The following SLCO3A1 variants were observed in gnomAD, a reference collection of about 807,000 sequenced individuals.
SLCO3A1 encodes solute carrier organic anion transporter family member 3A1.
SLCO3A1 carries 27 observed loss-of-function variants against 63.1 expected under a neutral mutation model. The ratio of observed to expected loss-of-function variants is 0.43; its 90% CI spans 0.32 to 0.59. The LOEUF (loss-of-function observed/expected upper bound fraction) is 0.59. Among genes scored for constraint, SLCO3A1 ranks in the 20% least tolerant of loss-of-function variants. The pLI, the probability that SLCO3A1 is intolerant of heterozygous loss-of-function variation, is 0.09. For missense variants in SLCO3A1, 773 were observed against 945.8 expected (o/e 0.82, Z 2.40); for synonymous variants, 473 against 409.9 (o/e 1.15, Z -1.86).
chr15:92,126,353 G>A, intron 6 of SLCO3A1, 94 bp downstream of exon 6: 4 of 1,021,240 alleles, frequency 3.9e-6, no homozygotes, highest in Non-Finnish European at 6.1e-6. Context: ...TTTGTTCCTA[G>A]TGACCTGAGG....
intron 2 of SLCO3A1, among the ~76,000 whole-genome samples, chr15:91,974,144 C>G (rs1179648757): frequency 2.0e-5 from 3 of 152,020 alleles, no homozygotes; most frequent in African/African-American, 7.3e-5. Flanking sequence ...GGACATCACT[C>G]AAGGCTCAAG....
chr15:92,129,970 G>A (rs375508766), intron 7 of SLCO3A1, among the ~76,000 whole-genome samples: 1 of 152,134 alleles, frequency 6.6e-6, no homozygotes, highest in Non-Finnish European at 1.5e-5. Flanking sequence ...GATGGGCCTT[G>A]AGAATGGTTC....
chr15:91,978,814 A>G (rs1263422755), intron 2 of SLCO3A1, among the ~76,000 whole-genome samples: 1 of 152,248 alleles, frequency 6.6e-6, no homozygotes, highest in Non-Finnish European at 1.5e-5. Context: ...ACGTATCAGT[A>G]TCATCTAGTT....
At chr15:91,957,465 C>T (rs1437287371) in intron 2 of SLCO3A1, among the ~76,000 whole-genome samples, 2 of 151,918 alleles carry the variant, frequency 1.3e-5, no homozygotes, top group African/African-American at 2.4e-5. Context: ...CTGCCTTCCC[C>T]ACCTTCTTTC....
intron 2 of SLCO3A1, among the ~76,000 whole-genome samples, chr15:91,939,417 G>C (rs1899536716): frequency 6.6e-6 from 1 of 152,114 alleles, no homozygotes; most frequent in Non-Finnish European, 1.5e-5. Context: ...ATTTGGGTGG[G>C]GACACAGATC....
At chr15:92,005,188 C>T (rs2046299221) in intron 2 of SLCO3A1, among the ~76,000 whole-genome samples, 2 of 152,172 alleles carry the variant, frequency 1.3e-5, no homozygotes, top group Non-Finnish European at 2.9e-5. Context: ...CCCAGGAACT[C>T]ATTTGGGGAA....
At chr15:92,131,310 T>A (rs1049961981) in intron 7 of SLCO3A1, among the ~76,000 whole-genome samples, 6 of 151,866 alleles carry the variant, frequency 4.0e-5, no homozygotes, top group Non-Finnish European at 7.3e-5. Context: ...ATTTGGCCTT[T>A]ACCATCTGGC....
intron 2 of SLCO3A1, among the ~76,000 whole-genome samples, chr15:92,044,119 GC>G (rs1321679660): frequency 6.6e-6 from 1 of 152,094 alleles, no homozygotes; most frequent in African/African-American, 2.4e-5. Flanking sequence ...TCTAGAGTCA[GC>G]CCCACCAGTG....
chr15:92,056,667 T>C (rs1004608813), intron 2 of SLCO3A1, among the ~76,000 whole-genome samples: 4 of 152,238 alleles, frequency 2.6e-5, no homozygotes, highest in African/African-American at 9.6e-5. Context: ...ATTGTTCTAA[T>C]ATCCAGTTGA....
At position 91,964,944 on chromosome 15, in the gene SLCO3A1, G is replaced by A. The variant is rs548247744; in HGVS notation, c.646+48486G>A. Reference sequence around the variant, plus strand: ...ACTTTGTCTTTCCACGAGTTTTTGAGTGTGGCCAGCAGTCCTACCTCTAGA... The same window carrying A: ...ACTTTGTCTTTCCACGAGTTTTTGAATGTGGCCAGCAGTCCTACCTCTAGA... On this transcript the variant is annotated intron_variant, in intron 2 of 9. Coordinates refer to ENST00000318445, the MANE Select transcript of SLCO3A1 (RefSeq NM_013272.4). Among the ~76,000 whole-genome samples, 20 of 152,150 alleles carry A rather than the reference G, an allele frequency of 1.3e-4. No individual in the cohort carries two copies. In the Middle Eastern group the frequency reaches 0.014, roughly 104 times the overall value.
chr15:92,110,779 G>C (rs1006215906), intron 4 of SLCO3A1, among the ~76,000 whole-genome samples: 2 of 152,148 alleles, frequency 1.3e-5, no homozygotes, highest in African/African-American at 4.8e-5. Context: ...TGCCTGCTAT[G>C]TGATAGGGGA....
chr15:92,128,700 C>T (rs1039010015), intron 7 of SLCO3A1, among the ~76,000 whole-genome samples: 4 of 152,102 alleles, frequency 2.6e-5, no homozygotes, highest in African/African-American at 7.2e-5. Flanking sequence ...CATTGTGCAA[C>T]TGAAAGTAAA....
chr15:92,145,030 G>A (rs1244922835), intron 7 of SLCO3A1, among the ~76,000 whole-genome samples: 1 of 152,200 alleles, frequency 6.6e-6, no homozygotes, highest in African/African-American at 2.4e-5. Context: ...GACCAGAGGA[G>A]GACCAGGGAA....
chr15:92,063,952 T>A (rs1007432719), intron 2 of SLCO3A1, among the ~76,000 whole-genome samples: 3 of 152,354 alleles, frequency 2.0e-5, no homozygotes, highest in South Asian at 4.1e-4. Context: ...TGTGGAACCC[T>A]TTGAGCAGCC....
At chr15:92,100,092 A>C (rs1000950867) in intron 3 of SLCO3A1, among the ~76,000 whole-genome samples, 4 of 151,876 alleles carry the variant, frequency 2.6e-5, no homozygotes, top group Non-Finnish European at 5.9e-5. Context: ...AAACAAAAAA[A>C]CGGAAAATGG....
intron 9 of SLCO3A1, 157 bp from the exon 10 acceptor site, chr15:92,162,599 G>A (rs894547470): frequency 6.6e-6 from 8 of 1,220,340 alleles, no homozygotes; most frequent in Non-Finnish European, 7.8e-6. Context: ...GCAGAACTGG[G>A]ACACAAACTC....
chr15:91,900,275 C>CT lies in SLCO3A1; in HGVS notation c.181-15717dup, dbSNP rs1898118294. On this transcript the variant is annotated intron_variant, in intron 1 of 9. Coordinates refer to ENST00000318445, the MANE Select transcript of SLCO3A1 (RefSeq NM_013272.4). The surrounding 1 kb of genome is among the most constrained non-coding windows in gnomAD (Gnocchi z 4.3). The stretch of plus-strand genomic sequence containing the variant: ...TCTTTTATGTTCCCACTAGCAGTAT[C>CT]TGAGTGTTCCAGTTTCCTCAGATGG... Among the ~76,000 whole-genome samples, 1 of 152,168 alleles carries CT rather than the reference C, an allele frequency of 6.6e-6. No individual in the cohort carries two copies. Among genetic ancestry groups the CT allele is most frequent in the South Asian group, 2.1e-4 (1 of 4,826 alleles).
rs1899879126 is a variant in SLCO3A1 at position 91,948,274 on chromosome 15, G to C, written c.646+31816G>C. 6.6e-6 allele frequency among the ~76,000 whole-genome samples: 1 copy of C among 152,174 alleles called. No homozygotes were observed. Among genetic ancestry groups the C allele is most frequent in the Non-Finnish European group, 1.5e-5 (1 of 68,038 alleles). On this transcript the variant is annotated intron_variant, in intron 2 of 9. Coordinates refer to ENST00000318445, the MANE Select transcript of SLCO3A1 (RefSeq NM_013272.4). The surrounding 1 kb of genome is among the most constrained non-coding windows in gnomAD (Gnocchi z 4.8). ...AATACAACCAGCTGGTCCCTCCACA[G>C]TGGGCTCAAATGTGACCCTGCGTAG...
intron 9 of SLCO3A1, among the ~76,000 whole-genome samples, chr15:92,153,803 G>A (rs2048337618): frequency 6.6e-6 from 1 of 152,136 alleles, no homozygotes; most frequent in Non-Finnish European, 1.5e-5. Context: ...TAAAAGCCCG[G>A]GGATGAACAA....
Sources: gnomAD v4.1 joint callset for allele counts (sites outside exome capture counted in the v4.1 genomes callset) on GRCh38, gnomAD v4.1.1 for gene constraint, Gnocchi (gnomAD v3.1) non-coding constraint, MANE v1.5 for transcripts, NCBI Gene and HGNC (gene_info 2026-07-23, HGNC 2026-07-21) for gene names.